The following PLCE1 variants were observed in gnomAD, a reference collection of about 807,000 sequenced individuals.
PLCE1 encodes 1-phosphatidylinositol 4,5-bisphosphate phosphodiesterase epsilon-1.
PLCE1 carries 119 observed loss-of-function variants against 242.8 expected under a neutral mutation model. That is an observed-to-expected ratio of 0.49 (90% CI 0.42 to 0.57). PLCE1 has a LOEUF of 0.57. Among genes scored for constraint, PLCE1 ranks in the 20% least tolerant of loss-of-function variants. The pLI is 0.00. For synonymous variants in PLCE1, 945 were observed against 1,017.4 expected, an observed-to-expected ratio of 0.93 and a Z score of 1.35; for missense variants, 2,441 against 2,788.8, an observed-to-expected ratio of 0.88 and a Z score of 2.81.
intron 1 of PLCE1, among the ~76,000 whole-genome samples, chr10:94,002,596 CACAG>C (rs1223962886): frequency 6.6e-6 from 1 of 152,040 alleles, no homozygotes; most frequent in African/African-American, 2.4e-5. Flanking sequence ...AAATTATTAA[CACAG>C]ACATACTTCT....
rs891855213 is a variant in PLCE1 at position 94,198,913 on chromosome 10, A to G, written c.1809+27417A>G. ...CAAAAAACACAAAAATTATCTGGGC[A>G]TGGTGGCACGCACCTGTAGTCCCAG... On this transcript the variant is annotated intron_variant, in intron 4 of 32. Transcript: ENST00000371380. 2.6e-5 allele frequency among the ~76,000 whole-genome samples: 4 copies of G among 152,274 alleles called. No homozygotes were observed. The East Asian group carries it at 5.8e-4, about 22-fold the overall frequency.
chr10:94,124,758 C>A (rs968133986), intron 2 of PLCE1, among the ~76,000 whole-genome samples: 7 of 152,174 alleles, frequency 4.6e-5, no homozygotes, highest in African/African-American at 1.7e-4. Flanking sequence ...TTCAAATGAT[C>A]AATTTCATGA....
rs1204780236 is a variant in PLCE1, at chr10:94,246,045, C to T, written c.2520C>T (p.Asp840=). The part of the protein sequence containing the change: ...HGSEDSQKAF[D]HGTELIPWYV... Reference sequence around the variant, plus strand: ...CAGAGGACTCACAGAAGGCCTTCGACCATGGGACGGAGCTCATCCCTTGGT... The same window carrying T: ...CAGAGGACTCACAGAAGGCCTTCGATCATGGGACGGAGCTCATCCCTTGGT... Residue 840 remains aspartate, a synonymous_variant, in exon 8 of 33, where the codon GAC becomes GAT. Transcript: ENST00000371380. 1 of 1,614,134 alleles carries T rather than the reference C, an allele frequency of 6.2e-7. No individual in the cohort carries two copies. The highest frequency in any genetic ancestry group is 2.2e-5 in the East Asian group (1 of 44,874).
At chr10:94,044,995 T>A in intron 2 of PLCE1, among the ~76,000 whole-genome samples, 1 of 152,232 alleles carries the variant, frequency 6.6e-6, no homozygotes, top group South Asian at 2.1e-4. Context: ...TTTTTAAAAA[T>A]TTTTTATTAT....
chr10:94,249,947 A>G (rs1378634529), intron 8 of PLCE1, among the ~76,000 whole-genome samples: 3 of 152,154 alleles, frequency 2.0e-5, no homozygotes, highest in Non-Finnish European at 4.4e-5. Context: ...TGGGGGAAAA[A>G]AAAAAGATTC....
chr10:94,298,300 G>C lies in PLCE1; in HGVS notation c.5168-79G>C, dbSNP rs967009961. ...GTTTATATGCTATGACTGTTTACTG[G>C]GATGTTGTTCAGGTTTATCTTTCTA... is the stretch of plus-strand genomic sequence containing the variant. On this transcript the variant is annotated intron_variant, in intron 23 of 32. Coordinates refer to ENST00000371380, the MANE Select transcript of PLCE1 (RefSeq NM_016341.4). This position sits in a 1 kb window ranked among gnomAD's most constrained non-coding sequence, Gnocchi z 5.2. 2 of 1,278,382 alleles carry C rather than the reference G, an allele frequency of 1.6e-6. No homozygotes were observed. Among genetic ancestry groups the C allele is most frequent in the Non-Finnish European group, 2.3e-6 (2 of 878,724 alleles). 79.2% of individuals were successfully genotyped at this position (1,278,382 alleles called of 1,614,324 possible).
chr10:94,010,718 T>G lies in PLCE1; in HGVS notation c.-365+16460T>G, dbSNP rs552473558. ...AAGTCATCATTCTTAAGTTCAAACT[T>G]TCACAGATCCCAAGGACTTGGACAC... On this transcript the variant is annotated intron_variant, in intron 1 of 32. Coordinates refer to ENST00000371380, the MANE Select transcript of PLCE1 (RefSeq NM_016341.4). Among the ~76,000 whole-genome samples the G allele has an allele frequency of 3.9e-5, 6 of 152,294 alleles. No individual in the cohort carries two copies. The South Asian group carries it at 1.2e-3, about 32-fold the overall frequency.
intron 1 of PLCE1, among the ~76,000 whole-genome samples, chr10:94,030,471 T>C (rs1007900421): frequency 6.6e-6 from 1 of 151,964 alleles, no homozygotes; most frequent in Non-Finnish European, 1.5e-5. Context: ...TTAAGGTGGA[T>C]GAATAAATCT....
At chr10:94,055,879 C>T (rs563280823) in intron 2 of PLCE1, among the ~76,000 whole-genome samples, 9 of 152,214 alleles carry the variant, frequency 5.9e-5, no homozygotes, top group Admixed American at 3.3e-4. Flanking sequence ...TTCAGAGAGA[C>T]CTTGCTGTCA....
chr10:94,254,653 G>T (rs1461948828), intron 10 of PLCE1, among the ~76,000 whole-genome samples: 1 of 152,152 alleles, frequency 6.6e-6, no homozygotes, highest in Non-Finnish European at 1.5e-5. Flanking sequence ...TTCTCTGGCT[G>T]GGACCTTGGG....
chr10:94,232,639 C>G (rs979052671), intron 5 of PLCE1, among the ~76,000 whole-genome samples: 2 of 152,172 alleles, frequency 1.3e-5, no homozygotes, highest in African/African-American at 4.8e-5. Flanking sequence ...AGTGTACCCT[C>G]TGGTCAACCT....
chr10:94,280,541 G>A (rs2052168933), intron 20 of PLCE1: 1 of 152,754 alleles, frequency 6.5e-6, no homozygotes, highest in South Asian at 2.1e-4. Flanking sequence ...TTTTCAGTGT[G>A]TTTCATTTGC....
chr10:94,302,474 A>G (rs1241825107), intron 24 of PLCE1, among the ~76,000 whole-genome samples: 1 of 152,190 alleles, frequency 6.6e-6, no homozygotes, highest in East Asian at 1.9e-4. Flanking sequence ...GAAAACTATT[A>G]GGGTAGACAC....
intron 3 of PLCE1, among the ~76,000 whole-genome samples, chr10:94,147,458 A>G (rs565197504): frequency 1.7e-5 from 2 of 116,680 alleles, no homozygotes; most frequent in South Asian, 3.7e-4. Context: ...GAGAGAGAGA[A>G]AGAGAGAAAG....
At chr10:94,262,853 A>G (rs1207027379) in intron 14 of PLCE1, 121 bp downstream of exon 14, 1 of 832,328 alleles carries the variant, frequency 1.2e-6, no homozygotes, top group East Asian at 2.4e-5. Context: ...GGACAGATAT[A>G]CAGTTTTGTT....
chr10:94,286,603 G>T (rs1014780710), intron 22 of PLCE1, among the ~76,000 whole-genome samples: 2 of 152,020 alleles, frequency 1.3e-5, no homozygotes, highest in African/African-American at 4.8e-5. Flanking sequence ...CATTTTAATT[G>T]TAAGTTTTCT....
chr10:94,309,231 G>A (rs571354629), intron 27 of PLCE1, among the ~76,000 whole-genome samples: 1 of 152,350 alleles, frequency 6.6e-6, no homozygotes, highest in East Asian at 1.9e-4. Context: ...TGCATAACTT[G>A]CACCTCAGTG....
At chr10:94,012,089 C>T (rs1400364246) in intron 1 of PLCE1, among the ~76,000 whole-genome samples, 2 of 152,112 alleles carry the variant, frequency 1.3e-5, no homozygotes, top group African/African-American at 4.8e-5. Context: ...CTGCACCGTC[C>T]CAGGGTGAGA....
At chr10:94,190,881 G>A (rs2048639576) in intron 4 of PLCE1, among the ~76,000 whole-genome samples, 5 of 152,202 alleles carry the variant, frequency 3.3e-5, no homozygotes, top group Admixed American at 2.0e-4. Flanking sequence ...TGGAATAATT[G>A]TTATAGAAGG....
Sources: gnomAD v4.1 joint callset for allele counts (sites outside exome capture counted in the v4.1 genomes callset) on GRCh38, gnomAD v4.1.1 for gene constraint, Gnocchi (gnomAD v3.1) non-coding constraint, MANE v1.5 for transcripts, NCBI Gene and HGNC (gene_info 2026-07-23, HGNC 2026-07-21) for gene names.